The following LMF1 variants were observed in gnomAD, a reference collection of about 807,000 sequenced individuals.
LMF1 encodes the protein transmembrane protein 112.
In LMF1, 68 loss-of-function variants were observed where a neutral mutation model predicts 60.6. The observed-to-expected ratio is 1.12, with a 90% CI of 0.92 to 1.37. The LOEUF is 1.37. LMF1 is among the 40% of genes most tolerant of loss of function. The pLI is 0.00. For synonymous variants in LMF1, 418 were observed against 324.7 expected (o/e 1.29, Z -3.09); for missense variants, 948 against 767.2 (o/e 1.24, Z -2.78).
At chr16:918,187 G>A (rs1048209147) in intron 3 of LMF1, among the ~76,000 whole-genome samples, 1 of 152,200 alleles carries the variant, frequency 6.6e-6, no homozygotes, top group Non-Finnish European at 1.5e-5. Context: ...GGAATTTCGT[G>A]GACTGTTACA....
chr16:958,374 A>C (rs1227200856), intron 1 of LMF1, among the ~76,000 whole-genome samples: 1 of 152,266 alleles, frequency 6.6e-6, no homozygotes, highest in Non-Finnish European at 1.5e-5. Flanking sequence ...AGAATATTTA[A>C]AGAACTTTTA....
At chr16:911,504 A>ATGGGGAGGCAGCAC (rs1198760340) in intron 3 of LMF1, among the ~76,000 whole-genome samples, 2 of 144,974 alleles carry the variant, frequency 1.4e-5, no homozygotes, top group African/African-American at 5.2e-5. Flanking sequence ...CAGAAACAGC[A>ATGGGGAGGCAGCAC]TGGGGAGGCA....
At chr16:964,474 A>C (rs2072884129) in intron 1 of LMF1, among the ~76,000 whole-genome samples, 1 of 152,118 alleles carries the variant, frequency 6.6e-6, no homozygotes, top group South Asian at 2.1e-4. Flanking sequence ...TTTTTTCTTT[A>C]AGGGATGTGC....
chr16:914,754 A>G (rs1182903194), intron 3 of LMF1, among the ~76,000 whole-genome samples: 22 of 115,194 alleles, frequency 1.9e-4, no homozygotes, highest in South Asian at 3.1e-4. Flanking sequence ...ACTATTGGTG[A>G]CACATTCCCT....
chr16:898,330 A>C (rs2070718951), intron 4 of LMF1, among the ~76,000 whole-genome samples: 1 of 152,238 alleles, frequency 6.6e-6, no homozygotes, highest in Non-Finnish European at 1.5e-5. Context: ...TCCCAAGCTG[A>C]CAGTCGGGCC....
chr16:916,897 G>A (rs1289922020), intron 3 of LMF1, among the ~76,000 whole-genome samples: 4 of 152,180 alleles, frequency 2.6e-5, no homozygotes, highest in Admixed American at 2.6e-4. Context: ...TGAGTGTTGA[G>A]CTCCGGGTCT....
At chr16:928,886 G>A (rs2071689289) in intron 3 of LMF1, among the ~76,000 whole-genome samples, 1 of 152,232 alleles carries the variant, frequency 6.6e-6, no homozygotes, top group African/African-American at 2.4e-5. Context: ...AAACGATTTT[G>A]GGGGCCTAAA....
At chr16:869,403 T>C (rs888381543) in intron 9 of LMF1, 28 of 574,686 alleles carry the variant, frequency 4.9e-5, no homozygotes, top group African/African-American at 3.9e-4. Flanking sequence ...TGTCCATGGG[T>C]GCCTCTGCTA....
At chr16:878,000 C>A (rs1166376576) in intron 6 of LMF1, among the ~76,000 whole-genome samples, 3 of 152,164 alleles carry the variant, frequency 2.0e-5, no homozygotes, top group African/African-American at 7.2e-5. Context: ...TACACAGAAT[C>A]CACTGAAGCT....
chr16:869,121 C>G, intron 9 of LMF1, 65 bp from the exon 10 acceptor site: 1 of 1,082,324 alleles, frequency 9.2e-7, no homozygotes, highest in Non-Finnish European at 1.4e-6. Context: ...CCCCTCCGGA[C>G]GCTCGGCTGT....
chr16:936,687 G>A (rs1340971552), intron 2 of LMF1, among the ~76,000 whole-genome samples: 3 of 152,228 alleles, frequency 2.0e-5, no homozygotes, highest in Non-Finnish European at 4.4e-5. Context: ...CCAAGCAACC[G>A]CTGTACACAT....
chr16:904,015 C>T (rs535200597), intron 4 of LMF1: 209 of 179,022 alleles, frequency 1.2e-3, no homozygotes, highest in African/African-American at 7.5e-3. Flanking sequence ...GTGGTGGTGA[C>T]CTTTGCACTG....
intron 4 of LMF1, among the ~76,000 whole-genome samples, chr16:896,940 G>A (rs1368081705): frequency 6.6e-6 from 1 of 151,118 alleles, no homozygotes; most frequent in African/African-American, 2.4e-5. Flanking sequence ...TTTTCTCCCA[G>A]AGCAAGTGTC....
At chr16:936,663 G>C (rs1018024803) in intron 2 of LMF1, among the ~76,000 whole-genome samples, 1 of 152,200 alleles carries the variant, frequency 6.6e-6, no homozygotes, top group Non-Finnish European at 1.5e-5. Flanking sequence ...CCCCCTTTCC[G>C]TGACCAAAAT....
Position 870,034 on chromosome 16 carries a change from T to C in LMF1, c.1265A>G (p.Gln422Arg), listed in dbSNP as rs770851422. 65 of 1,611,846 alleles carry C rather than the reference T, an allele frequency of 4.0e-5. No homozygotes were observed. The highest frequency in any genetic ancestry group is 8.5e-6 in the Non-Finnish European group (10 of 1,179,792). Residue 422 changes from glutamine (Q) to arginine (R), a missense_variant, in exon 9 of 11, where the codon CAG (glutamine) becomes CGG (arginine). Physicochemically the swap from Gln to Arg is conservative, Grantham distance 43. Coordinates refer to ENST00000262301, the MANE Select transcript of LMF1 (RefSeq NM_022773.4). ...GCTGGCGTTGGAGCTGGCTGTGCCC[T>C]GCAGGATCACCTCCGCCCGCTCCTT... ...ITKERAEVIL[Q>R]GTASSNASAP...
At chr16:955,324 T>C (rs59548452) in intron 1 of LMF1, among the ~76,000 whole-genome samples, 3 of 143,496 alleles carry the variant, frequency 2.1e-5, no homozygotes, top group African/African-American at 2.6e-5. Context: ...GGTGTGTGCA[T>C]ACACACACAC....
Position 893,079 on chromosome 16 carries a change from G to A in LMF1, c.664-7C>T. Reference sequence around the variant, plus strand: ...CCCGGATCTTGATCAGGCCCTGCAAGGAAGAGAGCAGAGGGAGAGTCAGTC... The same window carrying A: ...CCCGGATCTTGATCAGGCCCTGCAAAGAAGAGAGCAGAGGGAGAGTCAGTC... On this transcript the variant is annotated splice_region_variant and splice_polypyrimidine_tract_variant and intron_variant, in intron 4 of 10. Coordinates refer to ENST00000262301, the MANE Select transcript of LMF1 (RefSeq NM_022773.4). The A allele has an allele frequency of 6.4e-7, 1 of 1,553,282 alleles. No individual in the cohort carries two copies. Among genetic ancestry groups the A allele is most frequent in the Non-Finnish European group, 8.7e-7 (1 of 1,148,454 alleles).
At chr16:926,368 A>G (rs998533899) in intron 3 of LMF1, among the ~76,000 whole-genome samples, 1 of 152,172 alleles carries the variant, frequency 6.6e-6, no homozygotes, top group African/African-American at 2.4e-5. Flanking sequence ...GTGCTTGCAT[A>G]TGATCTGCAT....
At chr16:980,381 T>A (rs2073314577) in intron 1 of LMF1, 1 of 152,646 alleles carries the variant, frequency 6.6e-6, no homozygotes, top group African/African-American at 2.4e-5. Flanking sequence ...CCCAGGTGGG[T>A]GCGGTGCGCT....
Sources: allele counts gnomAD v4.1 joint callset (sites outside exome capture counted in the v4.1 genomes callset), GRCh38; gene constraint gnomAD v4.1.1; transcripts MANE v1.5; gene names NCBI Gene and HGNC (gene_info 2026-07-23, HGNC 2026-07-21).